Variants in SRGAP2 observed in about 807,000 individuals in gnomAD.
The protein encoded by SRGAP2 is SLIT-ROBO Rho GTPase-activating protein 2.
In SRGAP2, 15 loss-of-function variants were observed where a neutral mutation model predicts 57.2. The observed-to-expected ratio is 0.26, with a 90% CI of 0.18 to 0.40. SRGAP2 has a LOEUF of 0.40. Among genes scored for constraint, SRGAP2 ranks in the 10% least tolerant of loss-of-function variants. SRGAP2 has a pLI of 1.00. For missense variants in SRGAP2, 520 were observed against 669.6 expected, an observed-to-expected ratio of 0.78 and a Z score of 2.47; for synonymous variants, 249 against 248.0, an observed-to-expected ratio of 1.00 and a Z score of -0.04.
rs782705349 is a variant in SRGAP2 at position 206,461,247 on chromosome 1, G to A, written c.3043G>A (p.Ala1015Thr). ...EPAFQRSAST[A>T]GDIACAFRPV... ...CGCCTTCCAGCGCAGCGCCAGTACT[G>A]CTGGGGACATCGCCTGCGCCTTCCG... is the stretch of plus-strand genomic sequence containing the variant. The change falls in exon 23 of 23, where the codon GCT becomes ACT. Residue 1015 changes from alanine (A) to threonine (T), a missense_variant. By Grantham distance (58) the Ala-to-Thr change is moderately conservative. This residue lies in a region of SRGAP2 where 478 missense variants were observed against 373.6 expected (regional missense o/e 1.28). Coordinates refer to ENST00000573034, the MANE Select transcript of SRGAP2 (RefSeq NM_015326.5). 3 of 780,862 alleles carry A rather than the reference G, an allele frequency of 3.8e-6. No homozygotes were observed. The allele number at this position is 780,862 out of a possible 1,614,324, so 48.4% of individuals were successfully genotyped here. A position where few individuals can be genotyped will look rare whatever the true frequency, so the allele number is the denominator to read the frequency against.
chr1:206,309,217 A>G (rs1672446189), intron 3 of SRGAP2, among the ~76,000 whole-genome samples: 1 of 150,686 alleles, frequency 6.6e-6, no homozygotes, highest in Admixed American at 6.6e-5. Context: ...AGCTATGTAA[A>G]TAGTATAATG....
At chr1:206,296,754 A>G (rs1251192933) in intron 2 of SRGAP2, 2 of 151,782 alleles carry the variant, frequency 1.3e-5, no homozygotes, top group African/African-American at 4.8e-5. Flanking sequence ...TACTTAATAG[A>G]GTAAAGTAAT....
intron 3 of SRGAP2, among the ~76,000 whole-genome samples, chr1:206,310,697 A>G (rs1672580741): frequency 6.6e-6 from 1 of 152,204 alleles, no homozygotes; most frequent in South Asian, 2.1e-4. Context: ...GCACAGCACA[A>G]GCATTGCTGT....
rs1266228173 is a variant in SRGAP2, at chr1:206,302,248, A to T, written c.68-1033A>T. Among the ~76,000 whole-genome samples, 4 of 142,420 alleles carry T rather than the reference A, an allele frequency of 2.8e-5. No individual in the cohort carries two copies. In the East Asian group the frequency reaches 8.5e-4, roughly 30 times the overall value. 93.4% of individuals were successfully genotyped at this position (142,420 alleles called of 152,430 possible). A position where few individuals can be genotyped will look rare whatever the true frequency, so the allele number is the denominator to read the frequency against. On this transcript the variant is annotated intron_variant, in intron 2 of 22. Coordinates refer to ENST00000573034, the MANE Select transcript of SRGAP2 (RefSeq NM_015326.5). ...GGGACATAACTTCAGCAGGATACAC[A>T]CTGCAAGCCTTCTCTGAGCTGGAAA...
intron 2 of SRGAP2, among the ~76,000 whole-genome samples, chr1:206,300,843 G>A (rs1186456094): frequency 4.0e-5 from 6 of 150,286 alleles, no homozygotes; most frequent in Non-Finnish European, 5.9e-5. Context: ...TTGGCAGAGG[G>A]TGGGTGTCAT....
intron 3 of SRGAP2, 110 bp downstream of exon 3, chr1:206,303,583 C>T: frequency 1.5e-6 from 1 of 683,544 alleles, no homozygotes; most frequent in Non-Finnish European, 2.3e-6. Flanking sequence ...CCCCTGGCTT[C>T]AGATTGGTTG....
At chr1:206,279,810 A>G (rs1396275257) in intron 2 of SRGAP2, among the ~76,000 whole-genome samples, 5 of 151,718 alleles carry the variant, frequency 3.3e-5, no homozygotes, top group Non-Finnish European at 7.4e-5. Flanking sequence ...TAGAAGTGAA[A>G]GCACTTTGAA....
intron 21 of SRGAP2, among the ~76,000 whole-genome samples, chr1:206,456,494 C>T (rs960728505): frequency 4.6e-5 from 7 of 151,918 alleles, no homozygotes; most frequent in African/African-American, 7.3e-5. Context: ...GAAACCAAGG[C>T]GGGGTTGGTG....
intron 2 of SRGAP2, among the ~76,000 whole-genome samples, chr1:206,244,619 C>T (rs1431575681): frequency 1.3e-5 from 2 of 149,768 alleles, no homozygotes; most frequent in Admixed American, 6.6e-5. Context: ...TCAAAGAGGG[C>T]CTGAAATTGT....
chr1:206,404,699 C>G (rs1156691505), intron 8 of SRGAP2, among the ~76,000 whole-genome samples: 1 of 152,224 alleles, frequency 6.6e-6, no homozygotes, highest in Non-Finnish European at 1.5e-5. Flanking sequence ...CCTTCAGATT[C>G]CATACCCCCT....
At chr1:206,263,036 T>C (rs1669663003) in intron 2 of SRGAP2, among the ~76,000 whole-genome samples, 1 of 150,168 alleles carries the variant, frequency 6.7e-6, no homozygotes, top group African/African-American at 2.5e-5. Context: ...ACATAAGGAA[T>C]ACAAGTATTT....
chr1:206,332,783 T>TCGTC (rs1390432710), intron 3 of SRGAP2, among the ~76,000 whole-genome samples: 1 of 152,090 alleles, frequency 6.6e-6, no homozygotes, highest in African/African-American at 2.4e-5. Context: ...AGTAATTTGA[T>TCGTC]CGTCTGAAGC....
chr1:206,226,492 C>T (rs1349279047), intron 2 of SRGAP2, among the ~76,000 whole-genome samples: 4 of 151,962 alleles, frequency 2.6e-5, no homozygotes, highest in Non-Finnish European at 5.9e-5. Context: ...TAGCTCTGAC[C>T]CTTGCCATCA....
chr1:206,341,416 T>A (rs1411628442), intron 3 of SRGAP2, among the ~76,000 whole-genome samples: 3 of 152,140 alleles, frequency 2.0e-5, no homozygotes, highest in Non-Finnish European at 4.4e-5. Flanking sequence ...TTTAGCTATA[T>A]GACCTTGGGC....
intron 2 of SRGAP2, among the ~76,000 whole-genome samples, chr1:206,273,932 A>ATT (rs1301091910): frequency 7.0e-6 from 1 of 141,934 alleles, no homozygotes; most frequent in Non-Finnish European, 1.5e-5. Flanking sequence ...AATTTCTTGG[A>ATT]TTTTTTTTTT....
intron 4 of SRGAP2, among the ~76,000 whole-genome samples, chr1:206,375,798 G>A (rs562820216): frequency 6.6e-6 from 1 of 152,242 alleles, no homozygotes; most frequent in African/African-American, 2.4e-5. Context: ...TTCACAGAGG[G>A]TAGGAGCTGA....
intron 2 of SRGAP2, among the ~76,000 whole-genome samples, chr1:206,266,892 CT>C (rs1170155446): frequency 1.4e-5 from 2 of 146,384 alleles, no homozygotes; most frequent in Admixed American, 1.4e-4. Context: ...TTGGGACAAA[CT>C]TTCCCCTAGA....
intron 3 of SRGAP2, among the ~76,000 whole-genome samples, chr1:206,306,202 G>A (rs1328720459): frequency 6.6e-6 from 1 of 152,130 alleles, no homozygotes. Context: ...ATGAGGCTGC[G>A]GACCCTTGCG....
intron 21 of SRGAP2, 66 bp from the exon 22 acceptor site, chr1:206,458,557 A>G (rs529030583): frequency 1.3e-5 from 9 of 672,744 alleles, no homozygotes; most frequent in Non-Finnish European, 2.2e-5. Context: ...GCCCCCTCCC[A>G]CTTATCCTAG....
Sources: gnomAD v4.1 joint callset for allele counts (sites outside exome capture counted in the v4.1 genomes callset) on GRCh38, gnomAD v4.1.1 for gene constraint, gnomAD v4.1.1 regional missense constraint, MANE v1.5 for transcripts, NCBI Gene and HGNC (gene_info 2026-07-23, HGNC 2026-07-21) for gene names.